The following ACBD6 variants were observed in gnomAD, a reference collection of about 807,000 sequenced individuals.
The protein encoded by ACBD6 is acyl-CoA-binding domain-containing protein 6.
A neutral mutation model predicts 37.2 loss-of-function variants in ACBD6; 28 were observed. The observed-to-expected ratio is 0.75, with a 90% CI of 0.56 to 1.03. The LOEUF (loss-of-function observed/expected upper bound fraction) is 1.03, where lower values mean the gene tolerates loss of function less well. Among genes scored for constraint, ACBD6 ranks in the 50% least tolerant of loss-of-function variants. The pLI, the probability that ACBD6 is intolerant of heterozygous loss-of-function variation, is 0.00. For missense variants in ACBD6, 340 were observed against 337.4 expected (o/e 1.01, Z -0.06); for synonymous variants, 113 against 126.8 (o/e 0.89, Z 0.73).
intron 6 of ACBD6, among the ~76,000 whole-genome samples, chr1:180,333,197 G>A (rs919299834): frequency 5.3e-5 from 8 of 151,090 alleles, no homozygotes; most frequent in East Asian, 1.9e-4. Flanking sequence ...TAAATTATAC[G>A]TAACATAATT....
chr1:180,424,317 C>T (rs1648495915), intron 4 of ACBD6, among the ~76,000 whole-genome samples: 2 of 152,128 alleles, frequency 1.3e-5, no homozygotes, highest in Non-Finnish European at 2.9e-5. Context: ...ACTATACTAG[C>T]ATATAATAAA....
chr1:180,354,005 T>C lies in ACBD6; in HGVS notation c.664-39283A>G, dbSNP rs994162899. The stretch of plus-strand genomic sequence containing the variant: ...AATGCTTTCGTATGGATGAGGCAGA[T>C]ACCTGGTTATTTAAGGAGCAGGATA... On this transcript the variant is annotated intron_variant, in intron 6 of 7. Coordinates refer to ENST00000367595, the MANE Select transcript of ACBD6 (RefSeq NM_032360.4). 4.6e-5 allele frequency among the ~76,000 whole-genome samples: 7 copies of C among 152,224 alleles called. No individual in the cohort carries two copies. The East Asian group carries it at 1.3e-3, about 29-fold the overall frequency.
chr1:180,365,267 T>C lies in ACBD6; in HGVS notation c.663+32249A>G, dbSNP rs74132474. Among the ~76,000 whole-genome samples the C allele has an allele frequency of 6.8e-3, 1,037 of 152,312 alleles. 17 individuals carry two copies. The highest frequency in any genetic ancestry group is 0.023 in the African/African-American group (968 of 41,562). ...GCAGTAGGTACTCAGCTCTAGTTGA[T>C]AGAAGAACGTGCCCACGATTGCCAT... On this transcript the variant is annotated intron_variant, in intron 6 of 7. Coordinates refer to ENST00000367595, the MANE Select transcript of ACBD6 (RefSeq NM_032360.4).
chr1:180,439,328 T>TA (rs1314961912), intron 3 of ACBD6, among the ~76,000 whole-genome samples: 3 of 152,128 alleles, frequency 2.0e-5, no homozygotes, highest in Admixed American at 2.0e-4. Context: ...CTCACGCCTG[T>TA]AATCCCAGCA....
At chr1:180,480,814 T>A (rs532006078) in intron 3 of ACBD6, among the ~76,000 whole-genome samples, 4 of 152,138 alleles carry the variant, frequency 2.6e-5, no homozygotes, top group African/African-American at 9.6e-5. Flanking sequence ...GTGGATGACT[T>A]GAGGTCAGGA....
intron 5 of ACBD6, among the ~76,000 whole-genome samples, chr1:180,410,779 C>G (rs1647822181): frequency 6.6e-6 from 1 of 152,162 alleles, no homozygotes; most frequent in Non-Finnish European, 1.5e-5. Flanking sequence ...TTTGCTAACA[C>G]AACATTCATT....
intron 6 of ACBD6, among the ~76,000 whole-genome samples, chr1:180,325,284 T>C (rs1443328628): frequency 6.6e-6 from 1 of 152,168 alleles, no homozygotes; most frequent in African/African-American, 2.4e-5. Flanking sequence ...TTTATTCTTT[T>C]GTTTCCTCTG....
chr1:180,280,595 C>A (rs945923050), intron 9 of ACBD6, among the ~76,000 whole-genome samples: 4 of 152,178 alleles, frequency 2.6e-5, no homozygotes, highest in African/African-American at 9.7e-5. Context: ...ACCCCCTCTG[C>A]TATCAAGGAG....
chr1:180,335,371 A>G (rs1226059750), intron 6 of ACBD6, among the ~76,000 whole-genome samples: 1 of 151,862 alleles, frequency 6.6e-6, no homozygotes, highest in Non-Finnish European at 1.5e-5. Context: ...ATTCTTAAAG[A>G]AAAGAATTTT....
rs150047291 is a variant in ACBD6, at chr1:180,349,170, C to T, written c.664-34448G>A. Among the ~76,000 whole-genome samples, 40 of 151,778 alleles carry T rather than the reference C, an allele frequency of 2.6e-4. No homozygotes were observed. In the East Asian group the frequency reaches 5.8e-3, roughly 22 times the overall value. On this transcript the variant is annotated intron_variant, in intron 6 of 7. Transcript: ENST00000367595. ...TTTATTTACTTATAAAAAAATAGAA[C>T]GCTTCACGAACTTGCATGTCAGGGG...
rs572505546 is a variant in ACBD6, at chr1:180,313,513, A to G, written c.694+1179T>C. 6.4e-4 allele frequency among the ~76,000 whole-genome samples: 98 copies of G among 152,296 alleles called. 2 individuals carry two copies. Among genetic ancestry groups the G allele is most frequent in the South Asian group, 5.4e-3 (26 of 4,832 alleles). On this transcript the variant is annotated intron_variant, in intron 7 of 7. Transcript: ENST00000367595. ...TTGATTTTTTAGCTTGGGATTTTTGAACACTTGAGTGCAAATTTAAAGTCC... is the reference window on the plus strand; with the variant it reads ...TTGATTTTTTAGCTTGGGATTTTTGGACACTTGAGTGCAAATTTAAAGTCC...
chr1:180,313,563 G>A (rs1048534985), intron 7 of ACBD6, among the ~76,000 whole-genome samples: 2 of 152,152 alleles, frequency 1.3e-5, no homozygotes, highest in African/African-American at 2.4e-5. Context: ...AAGTGTCCAG[G>A]GTCATTTGAG....
At chr1:180,307,941 C>A (rs983013832) in intron 7 of ACBD6, among the ~76,000 whole-genome samples, 1 of 152,082 alleles carries the variant, frequency 6.6e-6, no homozygotes, top group Admixed American at 6.6e-5. Flanking sequence ...GGTGACAGAG[C>A]GAGACTCTGT....
intron 3 of ACBD6, 137 bp downstream of exon 3, chr1:180,492,132 A>G: frequency 1.4e-6 from 1 of 709,126 alleles, no homozygotes; most frequent in African/African-American, 1.8e-5. Context: ...TTAGATAAAT[A>G]TTACAATAAC....
intron 7 of ACBD6, among the ~76,000 whole-genome samples, chr1:180,306,775 A>C (rs1245734538): frequency 2.0e-5 from 3 of 152,206 alleles, no homozygotes; most frequent in Non-Finnish European, 4.4e-5. Flanking sequence ...GTATATCTTC[A>C]AATATTAATT....
chr1:180,326,583 C>G (rs1391157546), intron 6 of ACBD6: 1 of 152,198 alleles, frequency 6.6e-6, no homozygotes, highest in Non-Finnish European at 1.5e-5. Context: ...AGGTAAAGTC[C>G]CCTTTACTTT....
chr1:180,439,417 T>C (rs1649191238), intron 3 of ACBD6, among the ~76,000 whole-genome samples: 1 of 152,104 alleles, frequency 6.6e-6, no homozygotes, highest in Non-Finnish European at 1.5e-5. Flanking sequence ...ACCCCGTCTC[T>C]ACTAAAAATA....
chr1:180,406,212 C>T (rs1647620044), intron 5 of ACBD6, among the ~76,000 whole-genome samples: 2 of 151,972 alleles, frequency 1.3e-5, no homozygotes, highest in African/African-American at 4.8e-5. Flanking sequence ...TATCCCTTAT[C>T]CCAAATGCTG....
At chr1:180,490,604 T>C (rs1651454963) in intron 3 of ACBD6, among the ~76,000 whole-genome samples, 1 of 151,382 alleles carries the variant, frequency 6.6e-6, no homozygotes, top group African/African-American at 2.4e-5. Flanking sequence ...TGAAACCCCG[T>C]CTCTACTAAA....
Sources: allele counts gnomAD v4.1 joint callset (sites outside exome capture counted in the v4.1 genomes callset), GRCh38; gene constraint gnomAD v4.1.1; transcripts MANE v1.5; gene names NCBI Gene and HGNC (gene_info 2026-07-23, HGNC 2026-07-21).